KIAA1217: variants seen among roughly 807,000 people sequenced by gnomAD.
KIAA1217 encodes the protein sickle tail protein homolog.
KIAA1217 carries 88 observed loss-of-function variants against 163.9 expected under a neutral mutation model. The observed-to-expected ratio is 0.54, with a 90% CI of 0.45 to 0.64. KIAA1217 has a LOEUF of 0.64. Among genes scored for constraint, KIAA1217 ranks in the 30% least tolerant of loss-of-function variants. The probability of loss-of-function intolerance (pLI) is 0.00; values close to 1 mark genes in which losing one functional copy is unlikely to be tolerated. For synonymous variants in KIAA1217, 903 were observed against 923.1 expected, an observed-to-expected ratio of 0.98 and a Z score of 0.39; for missense variants, 2,372 against 2,475.0, an observed-to-expected ratio of 0.96 and a Z score of 0.88.
intron 5 of KIAA1217, among the ~76,000 whole-genome samples, chr10:24,463,598 T>C (rs2062651183): frequency 6.6e-6 from 1 of 152,202 alleles, no homozygotes. Flanking sequence ...CTTCCTAATA[T>C]CATCTTCATA....
intron 2 of KIAA1217, among the ~76,000 whole-genome samples, chr10:24,347,946 A>G (rs577750540): frequency 6.6e-6 from 1 of 152,358 alleles, no homozygotes; most frequent in Non-Finnish European, 1.5e-5. Context: ...GAATTAATGG[A>G]ATGCGTGTCA....
intron 1 of KIAA1217, among the ~76,000 whole-genome samples, chr10:23,756,138 T>C (rs2130845718): frequency 6.6e-6 from 1 of 151,568 alleles, no homozygotes. Context: ...CTTTTTTTTT[T>C]TTTTAGTAGA....
chr10:24,260,602 A>AG (rs1416184827), intron 2 of KIAA1217, among the ~76,000 whole-genome samples: 1 of 150,980 alleles, frequency 6.6e-6, no homozygotes, highest in Non-Finnish European at 1.5e-5. Context: ...AAAAAAAAAA[A>AG]AAAAAGCCAA....
chr10:24,547,037 T>C lies in KIAA1217; in HGVS notation c.*713T>C, dbSNP rs1353090678. On this transcript the variant is annotated 3_prime_UTR_variant, in exon 21 of 21. Transcript: ENST00000376454. ...AAGCTAGTTTTCTTTGCTTGCTTCT[T>C]TTCTTTCTTTTTTCCTTCCTTTTTT... is the stretch of plus-strand genomic sequence containing the variant. 6.8e-6 allele frequency: 1 copy of C among 148,000 alleles called. No individual in the cohort carries two copies. Among genetic ancestry groups the C allele is most frequent in the Non-Finnish European group, 1.5e-5 (1 of 67,510 alleles). The allele number at this position is 148,000 out of a possible 1,614,324, so 9.2% of individuals were successfully genotyped here.
At chr10:24,078,489 A>C (rs2061437528) in intron 2 of KIAA1217, among the ~76,000 whole-genome samples, 1 of 152,232 alleles carries the variant, frequency 6.6e-6, no homozygotes. Flanking sequence ...TTTTCTCTTG[A>C]GTGAGAATTA....
intron 1 of KIAA1217, among the ~76,000 whole-genome samples, chr10:23,912,637 T>C (rs536374474): frequency 6.6e-6 from 1 of 152,304 alleles, no homozygotes; most frequent in South Asian, 2.1e-4. Flanking sequence ...TCAAGCTCCA[T>C]CCACATTGCT....
chr10:24,334,516 A>G (rs2133646636), intron 2 of KIAA1217, among the ~76,000 whole-genome samples: 1 of 152,034 alleles, frequency 6.6e-6, no homozygotes, highest in East Asian at 1.9e-4. Context: ...TCCTTTTCCT[A>G]TCACAACTAT....
intron 6 of KIAA1217, among the ~76,000 whole-genome samples, chr10:24,494,291 C>G (rs2066499951): frequency 6.6e-6 from 1 of 152,112 alleles, no homozygotes; most frequent in Admixed American, 6.5e-5. Context: ...TTTTTTTAGC[C>G]AGTCAGGTCA....
At chr10:23,716,453 C>T (rs908237653) in intron 1 of KIAA1217, among the ~76,000 whole-genome samples, 6 of 152,152 alleles carry the variant, frequency 3.9e-5, no homozygotes, top group African/African-American at 1.4e-4. Context: ...TTTTAAATCA[C>T]CAATTATTAA....
At chr10:23,714,466 T>A (rs1319061362) in intron 1 of KIAA1217, among the ~76,000 whole-genome samples, 1 of 152,098 alleles carries the variant, frequency 6.6e-6, no homozygotes, top group Non-Finnish European at 1.5e-5. Context: ...AGGGCGACAC[T>A]AAGACTTTGG....
At chr10:24,142,798 C>T (rs2064143348) in intron 2 of KIAA1217, among the ~76,000 whole-genome samples, 1 of 152,048 alleles carries the variant, frequency 6.6e-6, no homozygotes, top group African/African-American at 2.4e-5. Context: ...TCACTGTTGT[C>T]CCTGTAGGTT....
At chr10:24,290,682 C>T (rs545686455) in intron 2 of KIAA1217, among the ~76,000 whole-genome samples, 2 of 150,952 alleles carry the variant, frequency 1.3e-5, no homozygotes, top group South Asian at 2.1e-4. Context: ...CGGCTCACTG[C>T]GACCTCCACC....
chr10:23,921,640 A>G (rs1842850873), intron 1 of KIAA1217, among the ~76,000 whole-genome samples: 1 of 152,070 alleles, frequency 6.6e-6, no homozygotes, highest in African/African-American at 2.4e-5. Flanking sequence ...TGAGCATGTT[A>G]TTCTTTCTGC....
At chr10:23,697,348 T>C (rs1564345463) in intron 1 of KIAA1217, among the ~76,000 whole-genome samples, 1 of 152,202 alleles carries the variant, frequency 6.6e-6, no homozygotes, top group Non-Finnish European at 1.5e-5. Flanking sequence ...ACGTACTTCA[T>C]TTAAACCTCA....
chr10:23,746,337 T>C (rs143466717), intron 1 of KIAA1217, among the ~76,000 whole-genome samples: 1 of 152,340 alleles, frequency 6.6e-6, no homozygotes, highest in East Asian at 1.9e-4. Flanking sequence ...TGCTGGTGCC[T>C]TGCTTCTTGA....
At position 24,034,012 on chromosome 10, in the gene KIAA1217, G is replaced by T. The variant is rs116149518; in HGVS notation, c.-171+26638G>T. ...AAGGAAGGACCAAGTAAAAAAACTG[G>T]ATTAAGCCAGGATGAAGTAGGACAT... On this transcript the variant is annotated intron_variant, in intron 2 of 18. Transcript: ENST00000376462. 6.7e-3 allele frequency among the ~76,000 whole-genome samples: 1,019 copies of T among 152,296 alleles called. 16 individuals are homozygous for T. Among genetic ancestry groups the T allele is most frequent in the African/African-American group, 0.023 (959 of 41,564 alleles).
At chr10:23,748,034 G>A (rs544584151) in intron 1 of KIAA1217, among the ~76,000 whole-genome samples, 101 of 152,294 alleles carry the variant, frequency 6.6e-4, no homozygotes, top group Middle Eastern at 3.4e-3. Context: ...CCCAAGGCCA[G>A]TTGACCAGTT....
At chr10:24,463,986 T>C (rs2062690941) in intron 5 of KIAA1217, among the ~76,000 whole-genome samples, 1 of 152,158 alleles carries the variant, frequency 6.6e-6, no homozygotes, top group African/African-American at 2.4e-5. Flanking sequence ...GTGTTAGTGG[T>C]TGCACACACT....
intron 2 of KIAA1217, among the ~76,000 whole-genome samples, chr10:24,070,246 G>A (rs922744781): frequency 1.3e-5 from 2 of 151,528 alleles, no homozygotes; most frequent in Non-Finnish European, 2.9e-5. Context: ...CAAGAAAGAG[G>A]CATTATTTGA....
Sources: gnomAD v4.1 joint callset for allele counts (sites outside exome capture counted in the v4.1 genomes callset) on GRCh38, gnomAD v4.1.1 for gene constraint, MANE v1.5 for transcripts, NCBI Gene and HGNC (gene_info 2026-07-23, HGNC 2026-07-21) for gene names.